Variants in ESYT2 observed in about 807,000 individuals in gnomAD.
ESYT2 encodes extended synaptotagmin-2.
Under a neutral mutation model 107.2 loss-of-function variants are expected in ESYT2, and 54 were observed. That is an observed-to-expected ratio of 0.50 (90% CI 0.40 to 0.63). The LOEUF (loss-of-function observed/expected upper bound fraction) is 0.63, where lower values mean the gene tolerates loss of function less well. Among genes scored for constraint, ESYT2 ranks in the 30% least tolerant of loss-of-function variants. ESYT2 has a pLI of 0.00. For synonymous variants in ESYT2, 491 were observed against 434.1 expected (o/e 1.13, Z -1.63); for missense variants, 1,020 against 1,094.5 (o/e 0.93, Z 0.96).
At chr7:158,824,236 C>G (rs1402114141) in intron 1 of ESYT2, among the ~76,000 whole-genome samples, 1 of 152,198 alleles carries the variant, frequency 6.6e-6, no homozygotes, top group Admixed American at 6.5e-5. Flanking sequence ...CATCCTCATC[C>G]TATCTGCAGC....
Position 158,787,943 on chromosome 7 carries a change from C to T in ESYT2, c.747+61G>A, listed in dbSNP as rs1434657958. 9.7e-6 allele frequency: 13 copies of T among 1,345,428 alleles called. No homozygotes were observed. In the Admixed American group the frequency reaches 2.2e-4, roughly 23 times the overall value. The allele number at this position is 1,345,428 out of a possible 1,614,324, so 83.3% of individuals were successfully genotyped here. On this transcript the variant is annotated intron_variant, in intron 6 of 22. Coordinates refer to ENST00000275418, the MANE Select transcript of ESYT2 (RefSeq NM_001367773.1). ...TTGTTTCTCCACTTTATATATTCTT[C>T]CACGGGTATGTATTTTTGCCACCAA... is the stretch of plus-strand genomic sequence containing the variant.
intron 6 of ESYT2, among the ~76,000 whole-genome samples, chr7:158,781,504 C>A (rs922901154): frequency 6.8e-6 from 1 of 146,234 alleles, no homozygotes; most frequent in Non-Finnish European, 1.5e-5. Context: ...AACGAGTGAA[C>A]GTGTGAGAAC....
At chr7:158,744,318 T>C (rs1314863154) in intron 16 of ESYT2, 1 of 152,126 alleles carries the variant, frequency 6.6e-6, no homozygotes, top group Non-Finnish European at 1.5e-5. Context: ...AAAGCAGTAA[T>C]GACAATAATG....
intron 6 of ESYT2, among the ~76,000 whole-genome samples, chr7:158,782,826 ATGAG>A (rs1413620333): frequency 1.3e-5 from 2 of 152,202 alleles, no homozygotes; most frequent in South Asian, 2.1e-4. Context: ...GTCTGTGAGA[ATGAG>A]TGCGGACAAG....
At chr7:158,752,051 G>A (rs1228698190) in intron 14 of ESYT2, among the ~76,000 whole-genome samples, 3 of 152,108 alleles carry the variant, frequency 2.0e-5, no homozygotes, top group Non-Finnish European at 2.9e-5. Context: ...TTTTCCAGAT[G>A]AGACTGGTTA....
intron 1 of ESYT2, among the ~76,000 whole-genome samples, chr7:158,805,365 C>T (rs780231975): frequency 9.2e-5 from 14 of 152,124 alleles, no homozygotes; most frequent in Non-Finnish European, 1.6e-4. Flanking sequence ...TATTAGGATG[C>T]TTTATCCAAA....
rs1332346976 is a variant in ESYT2 at position 158,769,670 on chromosome 7, T to C, written c.804-1896A>G. On this transcript the variant is annotated intron_variant, in intron 7 of 22. Transcript: ENST00000275418. ...GAGACGCTTATCAAAACATAACGGA[T>C]ATTTAATCATAATTTTCACCCTTCT... is the stretch of plus-strand genomic sequence containing the variant. 3.3e-5 allele frequency among the ~76,000 whole-genome samples: 5 copies of C among 152,300 alleles called. No homozygotes were observed. In the East Asian group the frequency reaches 7.7e-4, roughly 24 times the overall value.
At position 158,741,804 on chromosome 7, in the gene ESYT2, T is replaced by A; in HGVS notation, c.1887A>T (p.Thr629=). Residue 629 remains threonine, a synonymous_variant, in exon 18 of 23, where the codon ACA becomes ACT. Transcript: ENST00000275418. ...ACCCAGACATATGAGATTTGATGGA[T>A]GTTTTCCTCCCCTCTTTGGACACAG... ...RPSVSKEGRK[T]SIKSHMSGSP... is the part of the protein sequence containing the mutation. 6.2e-7 allele frequency: 1 copy of A among 1,614,078 alleles called. No individual in the cohort carries two copies. Among genetic ancestry groups the A allele is most frequent in the Non-Finnish European group, 8.5e-7 (1 of 1,180,010 alleles).
chr7:158,802,916 T>C (rs948233501), intron 1 of ESYT2, among the ~76,000 whole-genome samples: 1 of 152,266 alleles, frequency 6.6e-6, no homozygotes, highest in Non-Finnish European at 1.5e-5. Context: ...TTCAAGATTC[T>C]TCCTCATTCC....
At chr7:158,807,730 C>T (rs1839873697) in intron 1 of ESYT2, among the ~76,000 whole-genome samples, 1 of 152,208 alleles carries the variant, frequency 6.6e-6, no homozygotes, top group Non-Finnish European at 1.5e-5. Context: ...TACAACTCAA[C>T]CACAGTTGGA....
chr7:158,736,905 G>A (rs1836974880), intron 20 of ESYT2, 143 bp downstream of exon 20: 2 of 1,002,018 alleles, frequency 2.0e-6, no homozygotes, highest in East Asian at 2.7e-5. Flanking sequence ...GTTTTGAGAA[G>A]TATGTTTGCT....
chr7:158,749,014 T>A (rs1421887258), intron 15 of ESYT2, among the ~76,000 whole-genome samples: 1 of 152,192 alleles, frequency 6.6e-6, no homozygotes. Flanking sequence ...TTTAAACTAT[T>A]TATAGAGTGC....
intron 6 of ESYT2, among the ~76,000 whole-genome samples, chr7:158,781,960 C>T (rs887178613): frequency 9.0e-6 from 1 of 110,960 alleles, no homozygotes; most frequent in Non-Finnish European, 1.8e-5. Flanking sequence ...CAAGTGTGAA[C>T]GAGTGTGAGA....
At chr7:158,784,941 A>T (rs938969305) in intron 6 of ESYT2, among the ~76,000 whole-genome samples, 2 of 152,214 alleles carry the variant, frequency 1.3e-5, no homozygotes, top group Non-Finnish European at 2.9e-5. Flanking sequence ...GTTTTGGGAA[A>T]GACCTCCGGG....
chr7:158,806,059 G>A (rs1181914253), intron 1 of ESYT2, among the ~76,000 whole-genome samples: 2 of 152,180 alleles, frequency 1.3e-5, no homozygotes, highest in South Asian at 2.1e-4. Context: ...CAGCAGAGCC[G>A]GCGCCGGGGC....
At chr7:158,799,444 T>G (rs1361114093) in intron 1 of ESYT2, among the ~76,000 whole-genome samples, 1 of 152,204 alleles carries the variant, frequency 6.6e-6, no homozygotes, top group African/African-American at 2.4e-5. Context: ...CATCATGTCC[T>G]GGCAATCTAG....
chr7:158,766,132 G>GCACT (rs1404756821), intron 8 of ESYT2, among the ~76,000 whole-genome samples: 7 of 151,732 alleles, frequency 4.6e-5, no homozygotes, highest in Admixed American at 4.6e-4. Context: ...TTGTGCTACT[G>GCACT]CACTCCAGCC....
intron 1 of ESYT2, among the ~76,000 whole-genome samples, chr7:158,805,495 G>C (rs1381525749): frequency 6.6e-6 from 1 of 152,166 alleles, no homozygotes; most frequent in Non-Finnish European, 1.5e-5. Context: ...AATAGTAAAA[G>C]GAAATTGCAG....
At chr7:158,740,691 T>C (rs1837161499) in intron 18 of ESYT2, among the ~76,000 whole-genome samples, 1 of 152,204 alleles carries the variant, frequency 6.6e-6, no homozygotes, top group Non-Finnish European at 1.5e-5. Context: ...TAAAATTCTA[T>C]TTCCTTCTGG....
Sources: gnomAD v4.1 joint callset for allele counts (sites outside exome capture counted in the v4.1 genomes callset) on GRCh38, gnomAD v4.1.1 for gene constraint, MANE v1.5 for transcripts, NCBI Gene and HGNC (gene_info 2026-07-23, HGNC 2026-07-21) for gene names.